The following DPH5 variants were observed in gnomAD, a reference collection of about 807,000 sequenced individuals.
The protein encoded by DPH5 is diphthine methyl ester synthase.
In DPH5, 31 loss-of-function variants were observed where a neutral mutation model predicts 31.6. The observed-to-expected ratio is 0.98, with a 90% CI of 0.74 to 1.32. The LOEUF (loss-of-function observed/expected upper bound fraction) is 1.32. DPH5 is among the 40% of genes most tolerant of loss of function. The pLI is 0.00. For missense variants in DPH5, 309 were observed against 335.7 expected (o/e 0.92, Z 0.62); for synonymous variants, 120 against 115.0 (o/e 1.04, Z -0.28).
At chr1:100,993,603 T>TATATC (rs1475519347) in intron 6 of DPH5, among the ~76,000 whole-genome samples, 1 of 132,128 alleles carries the variant, frequency 7.6e-6, no homozygotes, top group Non-Finnish European at 1.6e-5. Flanking sequence ...TATATAGCTA[T>TATATC]TGTGGCTTAC....
intron 5 of DPH5, chr1:100,995,989 A>G (rs1658315176): frequency 6.6e-6 from 1 of 152,228 alleles, no homozygotes; most frequent in Non-Finnish European, 1.5e-5. Flanking sequence ...AAGTGATTAT[A>G]GAAGTGTTTC....
intron 2 of DPH5, among the ~76,000 whole-genome samples, chr1:101,022,274 G>A (rs1360383893): frequency 3.9e-5 from 6 of 152,220 alleles, no homozygotes; most frequent in Non-Finnish European, 7.3e-5. Flanking sequence ...GCTGTTTACA[G>A]AACCAGTGAA....
At chr1:101,002,134 A>G (rs1658916279) in intron 4 of DPH5, among the ~76,000 whole-genome samples, 1 of 152,202 alleles carries the variant, frequency 6.6e-6, no homozygotes, top group African/African-American at 2.4e-5. Context: ...CCAAACCTAT[A>G]GTCCCTTAAT....
At position 100,992,721 on chromosome 1, in the gene DPH5, G is replaced by C. The variant is rs916805426; in HGVS notation, c.550C>G (p.Pro184Ala). Residue 184 changes from proline (P) to alanine (A), a missense_variant, in exon 7 of 8, where the codon CCT becomes GCT. Coordinates refer to ENST00000370109, the MANE Select transcript of DPH5 (RefSeq NM_015958.3). ...TGGTTTACACTCATATACCGTGGAG[G>C]TTCATAGATCTTCCTTCCCCTATAG... Reference protein sequence around the residue: ...NLIKGRKIYEPPRYMSVNQAA... With the variant: ...NLIKGRKIYEAPRYMSVNQAA... 4 of 1,613,102 alleles carry C rather than the reference G, an allele frequency of 2.5e-6. No individual in the cohort carries two copies. The Admixed American group carries it at 6.7e-5, about 27-fold the overall frequency.
intron 5 of DPH5, among the ~76,000 whole-genome samples, chr1:100,998,309 G>C (rs745438088): frequency 1.4e-4 from 21 of 152,068 alleles, no homozygotes; most frequent in Non-Finnish European, 3.1e-4. Context: ...CCAGGGGTTT[G>C]AGACCAGCCT....
chr1:100,996,710 CTT>C (rs1313820890), intron 5 of DPH5, among the ~76,000 whole-genome samples: 1 of 152,058 alleles, frequency 6.6e-6, no homozygotes, highest in Middle Eastern at 3.4e-3. Flanking sequence ...TCTTTGTTGA[CTT>C]CTCCTCAAAT....
intron 4 of DPH5, among the ~76,000 whole-genome samples, chr1:101,010,969 T>C (rs1659587521): frequency 6.6e-6 from 1 of 152,200 alleles, no homozygotes; most frequent in Non-Finnish European, 1.5e-5. Flanking sequence ...CCATCCCAGA[T>C]CTACTATATC....
Position 101,013,750 on chromosome 1 carries a change from T to C in DPH5, c.329A>G (p.Asn110Ser), listed in dbSNP as rs368593058. The C allele has an allele frequency of 3.1e-6, 5 of 1,613,098 alleles. No homozygotes were observed. Among genetic ancestry groups the C allele is most frequent in the South Asian group, 1.1e-5 (1 of 90,952 alleles). ...KLGIPYRVIH[N>S]ASIMNAVGCC... ...GCCTACAGCATTCATTATGGAGGCA[T>C]TGTGAATAACTCTATAAGGAATTCC... Residue 110 changes from asparagine (N) to serine (S), a missense_variant, in exon 4 of 8, where the codon AAT becomes AGT. By Grantham distance (46) the Asn-to-Ser change is conservative. Transcript: ENST00000370109.
In DPH5 at chr1:101,025,424, A is replaced by T. The variant is rs1660755203; in HGVS notation, c.20T>A (p.Leu7Ter). 1 of 1,614,230 alleles carries T rather than the reference A, an allele frequency of 6.2e-7. No homozygotes were observed. Among genetic ancestry groups the T allele is most frequent in the African/African-American group, 1.3e-5 (1 of 75,064 alleles). MLYLIG[L>*]GLGDAKDITV... is the part of the protein sequence containing the mutation. ...GATGTCCTTGGCATCTCCCAGGCCC[A>T]ACCCGATGAGATAAAGCATTTCAAA... The change falls in exon 2 of 8, where the codon TTG (leucine) becomes TAG (stop). Residue 7 changes from leucine (L) to a stop codon, truncating the protein, a stop_gained. Transcript: ENST00000370109. LOFTEE classifies it high-confidence loss of function.
At chr1:100,990,819 A>T (rs1481413580) in intron 7 of DPH5, among the ~76,000 whole-genome samples, 188 bp from the exon 8 acceptor site, 1 of 152,242 alleles carries the variant, frequency 6.6e-6, no homozygotes, top group African/African-American at 2.4e-5. Context: ...ATTACCTAAT[A>T]TAAAAGAGTA....
chr1:101,007,557 T>C (rs1659319451), intron 4 of DPH5, among the ~76,000 whole-genome samples: 1 of 151,722 alleles, frequency 6.6e-6, no homozygotes, highest in Non-Finnish European at 1.5e-5. Flanking sequence ...ACTAAAAATA[T>C]GAAAAAAATT....
intron 4 of DPH5, among the ~76,000 whole-genome samples, chr1:101,012,180 C>T (rs994008741): frequency 6.6e-6 from 1 of 152,124 alleles, no homozygotes; most frequent in Non-Finnish European, 1.5e-5. Flanking sequence ...GGATTACAGG[C>T]GTGAGCTACC....
rs764618571 is a variant in DPH5, at chr1:100,990,521, A to G, written c.745T>C (p.Leu249=). ...QMCTVDLGEP[L]HSLIITGGSI... ...CCTCCTGTGATGATCAAGGAATGCA[A>G]TGGTTCTCCCAAGTCCACAGTGCAC... is the stretch of plus-strand genomic sequence containing the variant. Residue 249 remains leucine (L), a synonymous_variant, in exon 8 of 8, where the codon TTG becomes CTG. Coordinates refer to ENST00000370109, the MANE Select transcript of DPH5 (RefSeq NM_015958.3). 5.6e-6 allele frequency: 9 copies of G among 1,614,026 alleles called. 2 individuals are homozygous for G. The highest frequency in any genetic ancestry group is 4.4e-5 in the South Asian group (4 of 91,092).
intron 2 of DPH5, among the ~76,000 whole-genome samples, chr1:101,024,773 T>G (rs7535068): frequency 0.28 from 42,162 of 152,138 alleles, 6,105 homozygotes; most frequent in African/African-American, 0.35. Flanking sequence ...TCATACATTT[T>G]TATATATTAA....
intron 4 of DPH5, among the ~76,000 whole-genome samples, chr1:101,012,790 G>A (rs1659795003): frequency 6.6e-6 from 1 of 152,106 alleles, no homozygotes; most frequent in South Asian, 2.1e-4. Context: ...CATAAACACA[G>A]GCAACATTTT....
chr1:101,025,174 A>G (rs1407625393), intron 2 of DPH5, 135 bp downstream of exon 2: 3 of 1,090,622 alleles, frequency 2.8e-6, no homozygotes, highest in Non-Finnish European at 2.5e-6. Flanking sequence ...TCTGCTCCTC[A>G]GATCATTAAT....
intron 1 of DPH5, 102 bp downstream of exon 1, chr1:101,025,581 G>A (rs1037118649): frequency 1.9e-6 from 2 of 1,048,816 alleles, no homozygotes; most frequent in Non-Finnish European, 2.7e-6. Flanking sequence ...CACAAGGAGG[G>A]GTTTGGGAAC....
intron 2 of DPH5, among the ~76,000 whole-genome samples, chr1:101,023,868 C>T (rs1278772188): frequency 2.0e-5 from 3 of 152,158 alleles, no homozygotes; most frequent in Non-Finnish European, 2.9e-5. Flanking sequence ...AGGACTTGTC[C>T]AAGGTCACAT....
At chr1:101,015,234 TTAGA>T (rs4000624) in intron 3 of DPH5, among the ~76,000 whole-genome samples, 15,671 of 152,172 alleles carry the variant, frequency 0.1, 1,007 homozygotes, top group Non-Finnish European at 0.15. Context: ...AATATATTTC[TTAGA>T]TAGAAAGACT....
Sources: allele counts gnomAD v4.1 joint callset (sites outside exome capture counted in the v4.1 genomes callset), GRCh38; gene constraint gnomAD v4.1.1; transcripts MANE v1.5; gene names NCBI Gene and HGNC (gene_info 2026-07-23, HGNC 2026-07-21).